CTNND2: variants seen among roughly 807,000 people sequenced by gnomAD.
CTNND2 encodes the protein catenin delta 2, also known as catenin delta-2.
CTNND2 carries 22 observed loss-of-function variants against 144.4 expected under a neutral mutation model. The ratio of observed to expected loss-of-function variants is 0.15; its 90% CI spans 0.11 to 0.22. The LOEUF (loss-of-function observed/expected upper bound fraction) is 0.22, where lower values mean the gene tolerates loss of function less well. Ranked by LOEUF, CTNND2 falls within the 10% of genes least tolerant of loss-of-function variation. CTNND2 has a pLI of 1.00. For missense variants in CTNND2, 1,353 were observed against 1,618.8 expected, an observed-to-expected ratio of 0.84 and a Z score of 2.82; for synonymous variants, 751 against 695.6, an observed-to-expected ratio of 1.08 and a Z score of -1.25.
chr5:11,821,297 G>A (rs1161659324), intron 1 of CTNND2, among the ~76,000 whole-genome samples: 1 of 152,136 alleles, frequency 6.6e-6, no homozygotes, highest in East Asian at 1.9e-4. Context: ...ATTTAAATGT[G>A]TAGTCTGTAC....
At chr5:11,751,123 G>C (rs1159705701) in intron 1 of CTNND2, among the ~76,000 whole-genome samples, 1 of 151,800 alleles carries the variant, frequency 6.6e-6, no homozygotes, top group Non-Finnish European at 1.5e-5. Flanking sequence ...ATTTAAAAGA[G>C]ATTTATCAGT....
At chr5:11,708,010 A>G (rs1785802544) in intron 2 of CTNND2, among the ~76,000 whole-genome samples, 1 of 152,120 alleles carries the variant, frequency 6.6e-6, no homozygotes, top group Non-Finnish European at 1.5e-5. Context: ...ACATATATTC[A>G]GAAGAAATAT....
At chr5:11,598,591 C>T (rs1779634003) in intron 2 of CTNND2, among the ~76,000 whole-genome samples, 1 of 152,076 alleles carries the variant, frequency 6.6e-6, no homozygotes. Flanking sequence ...TTTCATTAAG[C>T]CTCCTATGAG....
chr5:11,473,198 A>G (rs1208068493), intron 3 of CTNND2, among the ~76,000 whole-genome samples: 9 of 152,226 alleles, frequency 5.9e-5, no homozygotes, highest in Admixed American at 4.6e-4. Context: ...TTTGACTATA[A>G]GACTTAAGGA....
chr5:11,027,369 C>T (rs1045227884), intron 16 of CTNND2: 6 of 152,092 alleles, frequency 3.9e-5, no homozygotes, highest in South Asian at 4.1e-4. Flanking sequence ...AAGACTGTAC[C>T]ACCACCACTA....
At chr5:11,197,669 T>C (rs1031094869) in intron 11 of CTNND2, among the ~76,000 whole-genome samples, 1 of 151,990 alleles carries the variant, frequency 6.6e-6, no homozygotes, top group South Asian at 2.1e-4. Flanking sequence ...TTGGAAGCAA[T>C]GTCGAAGGCA....
chr5:11,155,561 G>A (rs1483162363), intron 12 of CTNND2, among the ~76,000 whole-genome samples: 1 of 152,132 alleles, frequency 6.6e-6, no homozygotes, highest in African/African-American at 2.4e-5. Flanking sequence ...GGGTGGTGGG[G>A]AAGAGGTAGC....
At chr5:11,551,662 G>A (rs1422965732) in intron 3 of CTNND2, among the ~76,000 whole-genome samples, 1 of 151,668 alleles carries the variant, frequency 6.6e-6, no homozygotes, top group Non-Finnish European at 1.5e-5. Context: ...GCAATGGTGC[G>A]ATCTTGGCTC....
intron 1 of CTNND2, among the ~76,000 whole-genome samples, chr5:11,773,173 G>A (rs1376633554): frequency 6.6e-6 from 1 of 152,074 alleles, no homozygotes; most frequent in Non-Finnish European, 1.5e-5. Flanking sequence ...AGGAAGTGAT[G>A]GGAAACAATG....
At chr5:11,865,091 C>G (rs1031250946) in intron 1 of CTNND2, among the ~76,000 whole-genome samples, 4 of 151,958 alleles carry the variant, frequency 2.6e-5, no homozygotes, top group African/African-American at 9.7e-5. Context: ...GACAAGGTGT[C>G]TCTATGTTGG....
intron 2 of CTNND2, among the ~76,000 whole-genome samples, chr5:11,724,504 G>C (rs879366916): frequency 3.9e-5 from 6 of 152,102 alleles, no homozygotes; most frequent in Non-Finnish European, 7.4e-5. Flanking sequence ...TGGCTGTTTT[G>C]TTAATAGGTG....
chr5:11,689,590 T>C (rs1441569494), intron 2 of CTNND2, among the ~76,000 whole-genome samples: 1 of 152,236 alleles, frequency 6.6e-6, no homozygotes, highest in African/African-American at 2.4e-5. Context: ...TCACTTACTT[T>C]TTTTCACATA....
chr5:11,844,950 G>A (rs1408655523), intron 1 of CTNND2, among the ~76,000 whole-genome samples: 5 of 152,106 alleles, frequency 3.3e-5, no homozygotes, highest in Admixed American at 2.0e-4. Context: ...GCGGAGGGGG[G>A]CAGGGGGGCA....
intron 9 of CTNND2, among the ~76,000 whole-genome samples, chr5:11,238,905 C>G (rs17189349): frequency 0.016 from 2,469 of 152,232 alleles, 32 homozygotes; most frequent in Middle Eastern, 0.037. Context: ...AAATGTAAAG[C>G]CTGTTTTTCT....
At chr5:11,494,483 T>A (rs940080331) in intron 3 of CTNND2, among the ~76,000 whole-genome samples, 2 of 152,070 alleles carry the variant, frequency 1.3e-5, no homozygotes, top group Non-Finnish European at 1.5e-5. Context: ...GAAAAAAAAA[T>A]TTGAAATAAA....
chr5:11,876,541 T>G (rs1011604467), intron 1 of CTNND2, among the ~76,000 whole-genome samples: 1 of 152,074 alleles, frequency 6.6e-6, no homozygotes, highest in African/African-American at 2.4e-5. Flanking sequence ...CACATGCACA[T>G]ATAATTAAAA....
intron 2 of CTNND2, among the ~76,000 whole-genome samples, chr5:11,690,460 G>C (rs114533397): frequency 6.6e-6 from 1 of 152,184 alleles, no homozygotes; most frequent in East Asian, 1.9e-4. Context: ...TACGATATTA[G>C]AGGCTCTCAC....
chr5:11,414,454 A>T lies in CTNND2; in HGVS notation c.288-2385T>A, dbSNP rs1761774649. ...ATTTACTAAGTGCTTCCTGAATACC[A>T]AGGCCCAGTTAATTCACAACAATCA... On this transcript the variant is annotated intron_variant, in intron 3 of 21. Coordinates refer to ENST00000304623, the MANE Select transcript of CTNND2 (RefSeq NM_001332.4). 2.0e-5 allele frequency among the ~76,000 whole-genome samples: 3 copies of T among 152,192 alleles called. No homozygotes were observed. The South Asian group carries it at 6.2e-4, about 32-fold the overall frequency.
At chr5:11,114,564 G>C (rs1012128448) in intron 13 of CTNND2, among the ~76,000 whole-genome samples, 1 of 152,156 alleles carries the variant, frequency 6.6e-6, no homozygotes, top group African/African-American at 2.4e-5. Context: ...GGTGGCAGCC[G>C]GTAGCTTTGC....
Sources: allele counts gnomAD v4.1 joint callset (sites outside exome capture counted in the v4.1 genomes callset), GRCh38; gene constraint gnomAD v4.1.1; transcripts MANE v1.5; gene names NCBI Gene and HGNC (gene_info 2026-07-23, HGNC 2026-07-21).